Variants in ZNF525 observed in about 807,000 individuals in gnomAD.
The protein encoded by ZNF525 is zinc finger protein 525.
In ZNF525, 33 loss-of-function variants were observed where a neutral mutation model predicts 37.6. The ratio of observed to expected loss-of-function variants is 0.88; its 90% CI spans 0.67 to 1.17. ZNF525 has a LOEUF of 1.17. Among genes scored for constraint, ZNF525 ranks in the 50% most tolerant of loss-of-function variants. The probability of loss-of-function intolerance (pLI) is 0.00; values close to 1 mark genes in which losing one functional copy is unlikely to be tolerated. For synonymous variants in ZNF525, 170 were observed against 182.3 expected, an observed-to-expected ratio of 0.93 and a Z score of 0.54; for missense variants, 449 against 543.1, an observed-to-expected ratio of 0.83 and a Z score of 1.72.
Position 53,367,606 on chromosome 19 carries a change from G to T in ZNF525, c.-68+1847G>T, listed in dbSNP as rs2085457592. Among the ~76,000 whole-genome samples the T allele has an allele frequency of 2.0e-5, 3 of 152,194 alleles. No individual in the cohort carries two copies. In the South Asian group the frequency reaches 6.2e-4, roughly 32 times the overall value. On this transcript the variant is annotated intron_variant, in intron 1 of 3. Transcript: ENST00000474037. ...TATTAAGGTTTTGAATCGACTGAAG[G>T]AGGAAAACCAGCCTCTAAAGAGGGA...
At position 53,381,170 on chromosome 19, in the gene ZNF525, G is replaced by A; in HGVS notation, c.591G>A (p.Leu197=). The change falls in exon 4 of 4, where the codon CTG becomes CTA. Residue 197 remains leucine, a synonymous_variant. Coordinates refer to ENST00000474037, the MANE Select transcript of ZNF525 (RefSeq NM_001348156.2). ...CTAATAACTATGGGGATAATTTTCT[G>A]AATTATTCATTACTCACACAAAGAC... ...HISNNYGDNF[L]NYSLLTQRQE... 1 of 1,361,988 alleles carries A rather than the reference G, an allele frequency of 7.3e-7. No homozygotes were observed. The highest frequency in any genetic ancestry group is 1.1e-6 in the Non-Finnish European group (1 of 950,422). 84.4% of individuals were successfully genotyped at this position (1,361,988 alleles called of 1,614,324 possible). A position where few individuals can be genotyped will look rare whatever the true frequency, so the allele number is the denominator to read the frequency against.
At chr19:53,374,933 T>A (rs1158647390) in intron 2 of ZNF525, among the ~76,000 whole-genome samples, 1 of 152,108 alleles carries the variant, frequency 6.6e-6, no homozygotes, top group East Asian at 1.9e-4. Flanking sequence ...TGGAGCACAG[T>A]GGTGTGATCT....
chr19:53,366,970 AAC>A (rs1217094131), intron 1 of ZNF525, among the ~76,000 whole-genome samples: 1 of 151,954 alleles, frequency 6.6e-6, no homozygotes, highest in Non-Finnish European at 1.5e-5. Context: ...CATTTCAACA[AAC>A]ACAGAGTGGG....
chr19:53,382,369 A>G lies in ZNF525; in HGVS notation c.*350A>G. On this transcript the variant is annotated 3_prime_UTR_variant, in exon 4 of 4. Coordinates refer to ENST00000474037, the MANE Select transcript of ZNF525 (RefSeq NM_001348156.2). ...AGATACAAATCAAATCTTGAAAGAC[A>G]TAGGAGAATTCATAATGGAGAGAAA... The G allele has an allele frequency of 8.6e-7, 1 of 1,164,346 alleles. No individual in the cohort carries two copies. Among genetic ancestry groups the G allele is most frequent in the Non-Finnish European group, 1.3e-6 (1 of 775,174 alleles). 72.1% of individuals were successfully genotyped at this position (1,164,346 alleles called of 1,614,324 possible).
chr19:53,366,315 T>C (rs1451808742), intron 1 of ZNF525, among the ~76,000 whole-genome samples: 2 of 124,466 alleles, frequency 1.6e-5, no homozygotes, highest in African/African-American at 4.9e-5. Flanking sequence ...GGTTCTGTCC[T>C]GTGACACGGG....
In ZNF525 at chr19:53,384,143, TG is replaced by T; in HGVS notation, c.*2125del. ...GTTCAGCATTGACTTGAGTTTGAGT[TG>T]ACTTAACATTGAGTTCAAGCCTTAA... is the stretch of plus-strand genomic sequence containing the variant. On this transcript the variant is annotated 3_prime_UTR_variant, in exon 4 of 4. Transcript: ENST00000474037. 1 of 409,116 alleles carries T rather than the reference TG, an allele frequency of 2.4e-6. No homozygotes were observed. The highest frequency in any genetic ancestry group is 2.0e-5 in the South Asian group (1 of 49,560). 25.3% of individuals were successfully genotyped at this position (409,116 alleles called of 1,614,324 possible). A position where few individuals can be genotyped will look rare whatever the true frequency, so the allele number is the denominator to read the frequency against.
intron 1 of ZNF525, among the ~76,000 whole-genome samples, chr19:53,371,108 C>T (rs2085484829): frequency 6.6e-6 from 1 of 152,156 alleles, no homozygotes; most frequent in Non-Finnish European, 1.5e-5. Context: ...GTCTCCCATG[C>T]CCTCCACCCC....
intron 3 of ZNF525, 51 bp downstream of exon 3, chr19:53,375,947 T>C: frequency 6.2e-7 from 1 of 1,611,442 alleles, no homozygotes; most frequent in Non-Finnish European, 8.5e-7. Flanking sequence ...CGTATCTTTG[T>C]ATTTTCTCTT....
In ZNF525 at chr19:53,378,599, G is replaced by A. The variant is rs569669542; in HGVS notation, c.143-2123G>A. Among the ~76,000 whole-genome samples, 8 of 152,330 alleles carry A rather than the reference G, an allele frequency of 5.3e-5. 1 individual carries two copies. The South Asian group carries it at 6.2e-4, about 12-fold the overall frequency. On this transcript the variant is annotated intron_variant, in intron 3 of 3. Transcript: ENST00000474037. ...AGACACAGAAATTTATTTCTCATGA[G>A]TTTGGAAAGTGGGAAATCCAAGAGC...
chr19:53,383,386 G>C lies in ZNF525; in HGVS notation c.*1367G>C, dbSNP rs948995782. 3.5e-6 allele frequency: 4 copies of C among 1,143,938 alleles called. No individual in the cohort carries two copies. The highest frequency in any genetic ancestry group is 1.8e-5 in the Admixed American group (1 of 54,184). 70.9% of individuals were successfully genotyped at this position (1,143,938 alleles called of 1,614,324 possible). ...GCACGTCATCATAGAATTCATACTG[G>C]AGAGAAACCTTAGAAATGTGAAGAA... On this transcript the variant is annotated 3_prime_UTR_variant, in exon 4 of 4. Coordinates refer to ENST00000474037, the MANE Select transcript of ZNF525 (RefSeq NM_001348156.2).
At chr19:53,377,237 G>A (rs2085528732) in intron 3 of ZNF525, among the ~76,000 whole-genome samples, 1 of 152,136 alleles carries the variant, frequency 6.6e-6, no homozygotes, top group South Asian at 2.1e-4. Context: ...GAGTGCAATG[G>A]CACAATCTCG....
chr19:53,383,857 T>C lies in ZNF525; in HGVS notation c.*1838T>C, dbSNP rs1343910081. The stretch of plus-strand genomic sequence containing the variant: ...TGGCAAGGTCTTCAGTCAAGCTTCA[T>C]CTTTTGCAAAACAGGAGAATTCATA... On this transcript the variant is annotated 3_prime_UTR_variant, in exon 4 of 4. Transcript: ENST00000474037. 109 of 573,406 alleles carry C rather than the reference T, an allele frequency of 1.9e-4. 3 individuals carry two copies. The highest frequency in any genetic ancestry group is 1.6e-3 in the South Asian group (107 of 65,902). 35.5% of individuals were successfully genotyped at this position (573,406 alleles called of 1,614,324 possible). A position where few individuals can be genotyped will look rare whatever the true frequency, so the allele number is the denominator to read the frequency against.
rs1309425584 is a variant in ZNF525 at position 53,384,430 on chromosome 19, C to T, written c.*2411C>T. The T allele has an allele frequency of 6.4e-6, 1 of 156,654 alleles. No individual in the cohort carries two copies. Among genetic ancestry groups the T allele is most frequent in the Non-Finnish European group, 1.4e-5 (1 of 70,774 alleles). 9.7% of individuals were successfully genotyped at this position (156,654 alleles called of 1,614,324 possible). A position where few individuals can be genotyped will look rare whatever the true frequency, so the allele number is the denominator to read the frequency against. ...CATTTAACATATTAATTTTTCCAAA[C>T]CATCAATATGGGTTGTGTCTCTATA... On this transcript the variant is annotated 3_prime_UTR_variant, in exon 4 of 4. Transcript: ENST00000474037.
Position 53,382,960 on chromosome 19 carries a change from A to G in ZNF525, c.*941A>G. On this transcript the variant is annotated 3_prime_UTR_variant, in exon 4 of 4. Transcript: ENST00000474037. The stretch of plus-strand genomic sequence containing the variant: ...ATTCGGCCCTTGTAATTCATAAGGC[A>G]ATTCATACTGGAGAGAAACCTTACA... 1.3e-6 allele frequency: 2 copies of G among 1,518,530 alleles called. No homozygotes were observed. The highest frequency in any genetic ancestry group is 1.8e-6 in the Non-Finnish European group (2 of 1,100,002). 94.1% of individuals were successfully genotyped at this position (1,518,530 alleles called of 1,614,324 possible). A position where few individuals can be genotyped will look rare whatever the true frequency, so the allele number is the denominator to read the frequency against.
chr19:53,383,691 C>T lies in ZNF525; in HGVS notation c.*1672C>T. ...CACAACGTCTTCAGTAATGCTACAA[C>T]CATTGTAAATCACTGGAGAAGCCAT... On this transcript the variant is annotated 3_prime_UTR_variant, in exon 4 of 4. Transcript: ENST00000474037. 2 of 700,804 alleles carry T rather than the reference C, an allele frequency of 2.9e-6. No individual in the cohort carries two copies. The highest frequency in any genetic ancestry group is 1.6e-5 in the South Asian group (1 of 62,516). The allele number at this position is 700,804 out of a possible 1,614,324, so 43.4% of individuals were successfully genotyped here.
chr19:53,380,078 C>T (rs55707387), intron 3 of ZNF525, among the ~76,000 whole-genome samples: 245 of 151,798 alleles, frequency 1.6e-3, no homozygotes, highest in Non-Finnish European at 2.4e-3. Context: ...AATTTTATGA[C>T]AGTTATTCAG....
In ZNF525 at chr19:53,381,264, C is replaced by T; in HGVS notation, c.685C>T (p.Leu229Phe). The change falls in exon 4 of 4, where the codon CTC (leucine) becomes TTC (phenylalanine). Residue 229 changes from leucine to phenylalanine, a missense_variant. Around this residue, in one of 2 missense-constraint regions of ZNF525, gnomAD observed 271 missense variants for 381.6 expected, o/e 0.71. Transcript: ENST00000474037. Reference protein sequence around the residue: ...ESGKAFNYSSLLRKHQIIHLG... With the variant: ...ESGKAFNYSSFLRKHQIIHLG... ...TGGCAAAGCCTTTAATTATAGCTCA[C>T]TCTTAAGGAAACATCAGATTATTCA... is the stretch of plus-strand genomic sequence containing the variant. 1.4e-6 allele frequency: 2 copies of T among 1,407,632 alleles called. No homozygotes were observed. Among genetic ancestry groups the T allele is most frequent in the South Asian group, 1.2e-5 (1 of 86,728 alleles). The allele number at this position is 1,407,632 out of a possible 1,614,324, so 87.2% of individuals were successfully genotyped here.
intron 3 of ZNF525, 196 bp downstream of exon 3, chr19:53,376,092 A>G: frequency 8.5e-7 from 1 of 1,180,258 alleles, no homozygotes; most frequent in Middle Eastern, 2.0e-4. Context: ...GTACAGGTGC[A>G]TGCCACCATG....
chr19:53,369,220 A>T (rs1291577802), intron 1 of ZNF525, among the ~76,000 whole-genome samples: 2 of 152,096 alleles, frequency 1.3e-5, no homozygotes, highest in Non-Finnish European at 2.9e-5. Flanking sequence ...CTTGGTCACA[A>T]ATTGAGTAGA....
Sources: allele counts gnomAD v4.1 joint callset (sites outside exome capture counted in the v4.1 genomes callset), GRCh38; gene constraint gnomAD v4.1.1; regional missense constraint gnomAD v4.1.1; transcripts MANE v1.5; gene names NCBI Gene and HGNC (gene_info 2026-07-23, HGNC 2026-07-21).